CCDC88C: variants seen among roughly 807,000 people sequenced by gnomAD.
The protein encoded by CCDC88C is coiled-coil and HOOK domain protein 88C.
A neutral mutation model predicts 198.8 loss-of-function variants in CCDC88C; 131 were observed. The observed-to-expected ratio is 0.66, with a 90% CI of 0.57 to 0.76. The LOEUF (loss-of-function observed/expected upper bound fraction) is 0.76, where lower values mean the gene tolerates loss of function less well. CCDC88C is among the 30% of genes least tolerant of loss of function. The pLI, the probability that CCDC88C is intolerant of heterozygous loss-of-function variation, is 0.00. For synonymous variants in CCDC88C, 1,166 were observed against 1,114.7 expected (o/e 1.05, Z -0.92); for missense variants, 2,553 against 2,631.6 (o/e 0.97, Z 0.65).
chr14:91,402,629 C>A (rs1454774596), intron 3 of CCDC88C, among the ~76,000 whole-genome samples: 1 of 152,086 alleles, frequency 6.6e-6, no homozygotes, highest in Non-Finnish European at 1.5e-5. Context: ...GGTGTTAACC[C>A]CAGGAAGGGA....
Position 91,273,156 on chromosome 14 carries a change from G to A in CCDC88C, c.5556C>T (p.Ser1852=), listed in dbSNP as rs1012188286. The change falls in exon 30 of 30, where the codon AGC becomes AGT. Residue 1852 remains serine, a synonymous_variant. Coordinates refer to ENST00000389857, the MANE Select transcript of CCDC88C (RefSeq NM_001080414.4). This position sits in a 1 kb window ranked among gnomAD's most constrained non-coding sequence, Gnocchi z 5.6. The stretch of plus-strand genomic sequence containing the variant: ...TCCGCTCCCGGGCCAGGCTATGGGA[G>A]CTGGGGGGTGCGGGGCTTTGCAGGG... ...SHTLQSPAPP[S]SHSLARERTP... is the part of the protein sequence containing the mutation. 1 of 1,580,940 alleles carries A rather than the reference G, an allele frequency of 6.3e-7. No homozygotes were observed. Among genetic ancestry groups the A allele is most frequent in the Non-Finnish European group, 8.6e-7 (1 of 1,163,848 alleles).
chr14:91,353,477 C>T (rs151046302), intron 4 of CCDC88C, among the ~76,000 whole-genome samples: 35 of 152,348 alleles, frequency 2.3e-4, no homozygotes, highest in African/African-American at 8.2e-4. Context: ...GTTCATCTCA[C>T]CAGCAGAGGG....
At position 91,324,154 on chromosome 14, in the gene CCDC88C, G is replaced by T. The variant is rs149723940; in HGVS notation, c.1342+625C>A. Among the ~76,000 whole-genome samples, 91 of 152,320 alleles carry T rather than the reference G, an allele frequency of 6.0e-4. 1 individual carries two copies. Among genetic ancestry groups the T allele is most frequent in the South Asian group, 4.3e-3 (21 of 4,830 alleles). The stretch of plus-strand genomic sequence containing the variant: ...GTTTGCCGGGGCTGAGGCTTCCTGC[G>T]CAGGGGGCTGAGTGCGGCCCCGCCC... On this transcript the variant is annotated intron_variant, in intron 12 of 29. Coordinates refer to ENST00000389857, the MANE Select transcript of CCDC88C (RefSeq NM_001080414.4).
intron 25 of CCDC88C, chr14:91,285,502 C>G (rs1199703197): frequency 2.7e-5 from 14 of 527,818 alleles, no homozygotes; most frequent in Non-Finnish European, 4.1e-5. Context: ...AACTCATCTT[C>G]TATTTTGAAA....
intron 3 of CCDC88C, among the ~76,000 whole-genome samples, chr14:91,399,844 A>C (rs2032408135): frequency 6.8e-6 from 1 of 147,614 alleles, no homozygotes; most frequent in Non-Finnish European, 1.5e-5. Flanking sequence ...CTCTCAAAAA[A>C]AAAAAAAAAA....
At chr14:91,347,365 A>G (rs1182532764) in intron 4 of CCDC88C, among the ~76,000 whole-genome samples, 1 of 152,198 alleles carries the variant, frequency 6.6e-6, no homozygotes, top group Non-Finnish European at 1.5e-5. Context: ...AAAAGGGAGG[A>G]AAGTGCTAGA....
At chr14:91,405,575 T>C (rs1296593087) in intron 3 of CCDC88C, among the ~76,000 whole-genome samples, 1 of 152,138 alleles carries the variant, frequency 6.6e-6, no homozygotes, top group African/African-American at 2.4e-5. Context: ...CGCAATTGTA[T>C]ATATGGCAAC....
intron 10 of CCDC88C, among the ~76,000 whole-genome samples, chr14:91,330,362 T>G (rs1422776743): frequency 6.6e-6 from 1 of 151,760 alleles, no homozygotes; most frequent in African/African-American, 2.4e-5. Context: ...GGAGCTGAAG[T>G]GGGGAGTGGC....
At chr14:91,323,893 T>C (rs1311324714) in intron 12 of CCDC88C, among the ~76,000 whole-genome samples, 1 of 152,250 alleles carries the variant, frequency 6.6e-6, no homozygotes, top group Non-Finnish European at 1.5e-5. Context: ...AGATTCACAG[T>C]GAAACTGGTT....
rs1299338400 is a variant in CCDC88C at position 91,271,427 on chromosome 14, C to A, written c.*1198G>T. On this transcript the variant is annotated 3_prime_UTR_variant, in exon 30 of 30. Coordinates refer to ENST00000389857, the MANE Select transcript of CCDC88C (RefSeq NM_001080414.4). ...TCCTAAAATGGATCTTGTTAACATT[C>A]AAAAGTCTCCCATTTCTTTCTCAGT... 6.6e-6 allele frequency: 1 copy of A among 151,000 alleles called. No homozygotes were observed. Among genetic ancestry groups the A allele is most frequent in the African/African-American group, 2.4e-5 (1 of 40,978 alleles). 9.4% of individuals were successfully genotyped at this position (151,000 alleles called of 1,614,324 possible). A position where few individuals can be genotyped will look rare whatever the true frequency, so the allele number is the denominator to read the frequency against.
chr14:91,321,378 T>G, intron 12 of CCDC88C, 74 bp from the exon 13 acceptor site: 14 of 1,464,208 alleles, frequency 9.6e-6, no homozygotes, highest in Non-Finnish European at 1.3e-5. Flanking sequence ...AGCTCCGAGA[T>G]GGTCATCAGT....
chr14:91,288,209 A>G lies in CCDC88C; in HGVS notation c.4441+896T>C, dbSNP rs1259104064. 1.3e-5 allele frequency among the ~76,000 whole-genome samples: 2 copies of G among 152,220 alleles called. No homozygotes were observed. The highest frequency in any genetic ancestry group is 1.9e-4 in the East Asian group (1 of 5,202). ...TATATAAAGTAACTGTGCAGCTTTC[A>G]TGGCTCCTGAGAGTTGATGAAATAC... On this transcript the variant is annotated intron_variant, in intron 25 of 29. Coordinates refer to ENST00000389857, the MANE Select transcript of CCDC88C (RefSeq NM_001080414.4). The surrounding 1 kb of genome is among the most constrained non-coding windows in gnomAD (Gnocchi z 4.2).
At chr14:91,410,411 T>C (rs1297750755) in intron 2 of CCDC88C, among the ~76,000 whole-genome samples, 1 of 152,150 alleles carries the variant, frequency 6.6e-6, no homozygotes. Flanking sequence ...ATCTGGCTCA[T>C]TCAAAGCCAA....
At chr14:91,289,435 C>A in intron 24 of CCDC88C, 92 bp from the exon 25 acceptor site, 2 of 1,140,952 alleles carry the variant, frequency 1.8e-6, no homozygotes, top group Non-Finnish European at 2.6e-6. Context: ...GATGTTCTTC[C>A]CCAGTCTGGG....
chr14:91,277,790 C>T, intron 29 of CCDC88C, 132 bp downstream of exon 29: 1 of 1,026,184 alleles, frequency 9.7e-7, no homozygotes, highest in South Asian at 2.4e-5. Flanking sequence ...TCTAGTCAGC[C>T]TCTCATGTCC....
Position 91,352,207 on chromosome 14 carries a change from T to C in CCDC88C, c.340+7435A>G, listed in dbSNP as rs1020001555. 6.6e-6 allele frequency among the ~76,000 whole-genome samples: 1 copy of C among 152,236 alleles called. No homozygotes were observed. The highest frequency in any genetic ancestry group is 2.1e-4 in the South Asian group (1 of 4,826). ...GCTGCTGGAAGCCATGGTGTGGCTG[T>C]TGCAGCCAGCGGCGTTCTCTGTGTG... On this transcript the variant is annotated intron_variant, in intron 4 of 29. Coordinates refer to ENST00000389857, the MANE Select transcript of CCDC88C (RefSeq NM_001080414.4). This position sits in a 1 kb window ranked among gnomAD's most constrained non-coding sequence, Gnocchi z 4.2.
rs1567055747 is a variant in CCDC88C at position 91,293,531 on chromosome 14, T to TTCCCATCCTCACCC, written c.4112+641_4112+642insGGGTGAGGATGGGA. Among the ~76,000 whole-genome samples, 18 of 13,916 alleles carry TTCCCATCCTCACCC rather than the reference T, an allele frequency of 1.3e-3. 5 individuals carry two copies. Among genetic ancestry groups the TTCCCATCCTCACCC allele is most frequent in the Admixed American group, 2.0e-3 (3 of 1,516 alleles). 9.1% of individuals were successfully genotyped at this position (13,916 alleles called of 152,430 possible). A position where few individuals can be genotyped will look rare whatever the true frequency, so the allele number is the denominator to read the frequency against. The stretch of plus-strand genomic sequence containing the variant: ...CGGCCTACCTTCCTGTCCCCTCACC[T>TTCCCATCCTCACCC]GCCACGGCCCACCTTCCTGTCCCCT... On this transcript the variant is annotated intron_variant, in intron 23 of 29. Transcript: ENST00000389857.
At chr14:91,345,119 T>C (rs1299749209) in intron 4 of CCDC88C, among the ~76,000 whole-genome samples, 3 of 147,038 alleles carry the variant, frequency 2.0e-5, no homozygotes, top group Non-Finnish European at 3.0e-5. Flanking sequence ...ACTTTGTAAA[T>C]CAAGGCCAGT....
At chr14:91,368,723 G>T (rs2139922617) in intron 3 of CCDC88C, among the ~76,000 whole-genome samples, 1 of 152,240 alleles carries the variant, frequency 6.6e-6, no homozygotes, top group East Asian at 1.9e-4. Flanking sequence ...CCTGTAGTCA[G>T]GAGGGATATT....
Sources: allele counts gnomAD v4.1 joint callset (sites outside exome capture counted in the v4.1 genomes callset), GRCh38; gene constraint gnomAD v4.1.1; non-coding constraint Gnocchi (gnomAD v3.1); transcripts MANE v1.5; gene names NCBI Gene and HGNC (gene_info 2026-07-23, HGNC 2026-07-21).